Variants in HERC2 observed in about 807,000 individuals in gnomAD.
The protein encoded by HERC2 is HECT and RLD domain containing E3 ubiquitin protein ligase 2, also known as E3 ubiquitin-protein ligase HERC2.
In HERC2, 102 loss-of-function variants were observed where a neutral mutation model predicts 537.7. The observed-to-expected ratio is 0.19, with a 90% CI of 0.16 to 0.22. The LOEUF is 0.22. Ranked by LOEUF, HERC2 falls within the 10% of genes least tolerant of loss-of-function variation. The pLI, the probability that HERC2 is intolerant of heterozygous loss-of-function variation, is 1.00. For synonymous variants in HERC2, 2,224 were observed against 2,466.2 expected (o/e 0.90, Z 2.91); for missense variants, 4,236 against 6,198.2 (o/e 0.68, Z 10.63).
intron 68 of HERC2, among the ~76,000 whole-genome samples, chr15:28,163,607 A>C (rs1256331564): frequency 6.6e-6 from 1 of 152,204 alleles, no homozygotes; most frequent in African/African-American, 2.4e-5. Flanking sequence ...GGAGTTTTGG[A>C]ATGAAGCTGC....
In HERC2 at chr15:28,198,371, A is replaced by G. The variant is rs1897556802; in HGVS notation, c.8011+7T>C. ...CATCAGGAATTTTATTACCCAGATAATATTACCTTTCACAACCCCCACACT... is the reference window on the plus strand; with the variant it reads ...CATCAGGAATTTTATTACCCAGATAGTATTACCTTTCACAACCCCCACACT... On this transcript the variant is annotated splice_region_variant and intron_variant, in intron 50 of 92. Coordinates refer to ENST00000261609, the MANE Select transcript of HERC2 (RefSeq NM_004667.6). 4.3e-6 allele frequency: 7 copies of G among 1,610,690 alleles called. No individual in the cohort carries two copies. The highest frequency in any genetic ancestry group is 5.1e-6 in the Non-Finnish European group (6 of 1,179,480).
chr15:28,214,199 C>T lies in HERC2; in HGVS notation c.6432G>A (p.Glu2144=). ...GCGTGCGCAGCAGTGCCACCACCTC[C>T]TCCGCCAGTGTGCTGCTGTGGGTGG... The part of the protein sequence containing the change: ...LTATHSSTLA[E]EVVALLRTLH... The change falls in exon 41 of 93, where the codon GAG becomes GAA. Residue 2144 remains glutamate (E), a synonymous_variant. Transcript: ENST00000261609. The T allele has an allele frequency of 1.2e-6, 2 of 1,612,560 alleles. No individual in the cohort carries two copies. The highest frequency in any genetic ancestry group is 1.7e-6 in the Non-Finnish European group (2 of 1,179,984).
chr15:28,130,203 G>A lies in HERC2; in HGVS notation c.12762C>T (p.Ile4254=), dbSNP rs1427508311. The A allele has an allele frequency of 5.6e-6, 9 of 1,614,156 alleles. No individual in the cohort carries two copies. The highest frequency in any genetic ancestry group is 1.1e-5 in the South Asian group (1 of 91,078). The change falls in exon 83 of 93, where the codon ATC becomes ATT. Residue 4254 remains isoleucine (I), a synonymous_variant. Transcript: ENST00000261609. ...ACACACAGTGCAGGGAGCCAGTGGC[G>A]ATGGCGATGACTTTCTTCCCCTGCA... is the stretch of plus-strand genomic sequence containing the variant. ...QGLQGKKVIA[I]ATGSLHCVCC... is the part of the protein sequence containing the mutation.
chr15:28,292,364 C>T (rs1293862390), intron 4 of HERC2, among the ~76,000 whole-genome samples: 1 of 151,256 alleles, frequency 6.6e-6, no homozygotes, highest in Non-Finnish European at 1.5e-5. Context: ...CAAATCAAAA[C>T]AATGAGATGC....
chr15:28,189,989 A>G (rs938038749), intron 55 of HERC2, among the ~76,000 whole-genome samples: 46 of 151,012 alleles, frequency 3.0e-4, no homozygotes, highest in African/African-American at 9.8e-4. Flanking sequence ...TAGTACAAAA[A>G]TATCTTTTTT....
chr15:28,320,810 G>C (rs148632780), intron 2 of HERC2, among the ~76,000 whole-genome samples: 1 of 151,850 alleles, frequency 6.6e-6, no homozygotes, highest in East Asian at 1.9e-4. Context: ...AAAAAATTAG[G>C]ATCTAAGGCC....
At chr15:28,211,782 A>G (rs180707264) in intron 43 of HERC2, among the ~76,000 whole-genome samples, 271 of 152,360 alleles carry the variant, frequency 1.8e-3, no homozygotes, top group African/African-American at 4.1e-3. Flanking sequence ...GGAGATCCAG[A>G]GTTGAAAGTG....
chr15:28,114,964 C>T (rs1374265655), intron 89 of HERC2, among the ~76,000 whole-genome samples, 162 bp from the exon 90 acceptor site: 112 of 152,026 alleles, frequency 7.4e-4, no homozygotes, highest in Non-Finnish European at 2.9e-5. Context: ...AGAGGAGCAA[C>T]GAGAGAGTAC....
At chr15:28,148,732 C>A (rs569130939) in intron 70 of HERC2, among the ~76,000 whole-genome samples, 1 of 151,948 alleles carries the variant, frequency 6.6e-6, no homozygotes, top group Admixed American at 6.6e-5. Context: ...GCTGCATGAA[C>A]GCGCATTCTA....
chr15:28,149,280 C>T (rs986720861), intron 70 of HERC2, among the ~76,000 whole-genome samples: 6 of 150,836 alleles, frequency 4.0e-5, no homozygotes, highest in African/African-American at 1.5e-4. Flanking sequence ...AGTAAAATTA[C>T]CGAAAAAACA....
At chr15:28,236,534 A>G (rs1004878546) in intron 26 of HERC2, among the ~76,000 whole-genome samples, 1 of 150,830 alleles carries the variant, frequency 6.6e-6, no homozygotes, top group African/African-American at 2.4e-5. Context: ...CAGGTGATCC[A>G]CCCGCCTCAG....
intron 40 of HERC2, 138 bp downstream of exon 40, chr15:28,214,517 G>A (rs2140449012): frequency 8.3e-7 from 1 of 1,200,194 alleles, no homozygotes; most frequent in East Asian, 2.4e-5. Context: ...CACAGGGAAG[G>A]GAGACGGCCA....
At chr15:28,292,337 T>C (rs1283133990) in intron 4 of HERC2, among the ~76,000 whole-genome samples, 2 of 151,398 alleles carry the variant, frequency 1.3e-5, no homozygotes, top group Non-Finnish European at 2.9e-5. Context: ...TCAGCATGAC[T>C]ACTCAACAGG....
At chr15:28,231,799 G>A (rs8042429) in intron 30 of HERC2, among the ~76,000 whole-genome samples, 11,407 of 149,068 alleles carry the variant, frequency 0.077, 1,481 homozygotes, top group African/African-American at 0.27. Context: ...ACAGCAACAG[G>A]AATATTAATC....
chr15:28,117,147 C>T lies in HERC2; in HGVS notation c.13280G>A (p.Arg4427Gln). ...GGCCAGCCCGCCTTTGCTCCTTGAT[C>T]GTTTGACCTGGAGAGGAGGAAGCAA... ...VVELNRIQVK[R>Q]SRSKGGLAGP... Residue 4427 changes from arginine to glutamine, a missense_variant, in exon 87 of 93, where the codon CGA (arginine) becomes CAA (glutamine). By Grantham distance (43) the Arg-to-Gln change is conservative (BLOSUM62 1). Around this residue, in one of 27 missense-constraint regions of HERC2, gnomAD observed 29 missense variants for 102.1 expected, o/e 0.28. Transcript: ENST00000261609. 3.1e-6 allele frequency: 5 copies of T among 1,613,900 alleles called. No individual in the cohort carries two copies. The highest frequency in any genetic ancestry group is 4.2e-6 in the Non-Finnish European group (5 of 1,179,992).
chr15:28,127,823 T>A (rs985914441), intron 83 of HERC2, among the ~76,000 whole-genome samples: 1 of 152,118 alleles, frequency 6.6e-6, no homozygotes, highest in African/African-American at 2.4e-5. Flanking sequence ...ATAGACTATA[T>A]ACCCCAATGA....
intron 43 of HERC2, among the ~76,000 whole-genome samples, 182 bp downstream of exon 43, chr15:28,212,263 G>A (rs978538044): frequency 1.3e-5 from 2 of 152,188 alleles, no homozygotes; most frequent in Non-Finnish European, 2.9e-5. Context: ...GACAAAAGCT[G>A]ACTCGAAAAT....
intron 56 of HERC2, among the ~76,000 whole-genome samples, chr15:28,183,628 T>G (rs930894669): frequency 6.6e-6 from 1 of 152,242 alleles, no homozygotes; most frequent in Non-Finnish European, 1.5e-5. Context: ...TGCTAAGGAA[T>G]TGCTGCTTCT....
chr15:28,272,471 G>A, intron 8 of HERC2, 85 bp from the exon 9 acceptor site: 2 of 1,225,032 alleles, frequency 1.6e-6, no homozygotes, highest in Non-Finnish European at 2.3e-6. Flanking sequence ...CAAATAGCTG[G>A]ATAGAAGTGA....
Sources: gnomAD v4.1 joint callset for allele counts (sites outside exome capture counted in the v4.1 genomes callset) on GRCh38, gnomAD v4.1.1 for gene constraint, gnomAD v4.1.1 regional missense constraint, MANE v1.5 for transcripts, NCBI Gene and HGNC (gene_info 2026-07-23, HGNC 2026-07-21) for gene names.